Variants in CTR9 observed in about 807,000 individuals in gnomAD.
CTR9 encodes the protein RNA polymerase-associated protein CTR9 homolog.
In CTR9, 41 loss-of-function variants were observed where a neutral mutation model predicts 152.1. The observed-to-expected ratio is 0.27, with a 90% CI of 0.21 to 0.35. The LOEUF is 0.35. Ranked by LOEUF, CTR9 falls within the 10% of genes least tolerant of loss-of-function variation. CTR9 has a pLI of 1.00. For missense variants in CTR9, 917 were observed against 1,424.4 expected (o/e 0.64, Z 5.73); for synonymous variants, 476 against 496.2 (o/e 0.96, Z 0.54).
At chr11:10,769,152 G>A (rs1863103880) in intron 16 of CTR9, among the ~76,000 whole-genome samples, 1 of 152,062 alleles carries the variant, frequency 6.6e-6, no homozygotes, top group Non-Finnish European at 1.5e-5. Flanking sequence ...AACCTGGGAG[G>A]CAGAGGTTGC....
At chr11:10,772,742 A>G in intron 20 of CTR9, 87 bp downstream of exon 20, 1 of 1,346,098 alleles carries the variant, frequency 7.4e-7, no homozygotes, top group Non-Finnish European at 9.9e-7. Context: ...GTCCTCTGCC[A>G]GGCGTGGTGG....
chr11:10,774,342 G>A, intron 22 of CTR9, 173 bp downstream of exon 22: 1 of 638,936 alleles, frequency 1.6e-6, no homozygotes, highest in Non-Finnish European at 2.5e-6. Flanking sequence ...AAAATCCACT[G>A]AGTACCTGGG....
intron 5 of CTR9, among the ~76,000 whole-genome samples, chr11:10,759,822 A>G (rs1862947867): frequency 6.6e-6 from 1 of 152,196 alleles, no homozygotes; most frequent in Non-Finnish European, 1.5e-5. Flanking sequence ...CAGTCATATT[A>G]TTTAAGGTCT....
chr11:10,775,386 C>G (rs1863216184), intron 23 of CTR9, 83 bp downstream of exon 23: 6 of 1,418,618 alleles, frequency 4.2e-6, no homozygotes, highest in African/African-American at 1.4e-5. Context: ...TTCCTTGCAG[C>G]TTTCTCAAGC....
rs771049116 is a variant in CTR9 at position 10,779,054 on chromosome 11, C to T, written c.3471C>T (p.Asn1157=). The T allele has an allele frequency of 1.8e-5, 29 of 1,614,026 alleles. No individual in the cohort carries two copies. Among genetic ancestry groups the T allele is most frequent in the Non-Finnish European group, 2.5e-5 (29 of 1,180,036 alleles). ...SGNESEPEGS[N]NEASDRGSEH... ...ATGAATCGGAACCAGAGGGATCCAA[C>T]AATGAGGCCTCAGATAGAGGCTCAG... Residue 1157 remains asparagine (N), a synonymous_variant, in exon 25 of 25, where the codon AAC becomes AAT. Transcript: ENST00000361367.
intron 4 of CTR9, among the ~76,000 whole-genome samples, chr11:10,756,205 A>G (rs1862881804): frequency 6.6e-6 from 1 of 152,224 alleles, no homozygotes; most frequent in Non-Finnish European, 1.5e-5. Context: ...CCAATAAACA[A>G]TCTCTACTTA....
At chr11:10,772,677 T>C (rs771618560) in intron 20 of CTR9, 22 bp downstream of exon 20, 15 of 1,572,428 alleles carry the variant, frequency 9.5e-6, no homozygotes, top group East Asian at 2.3e-5. Context: ...TTTCCAGTTA[T>C]ACTGGAATTA....
chr11:10,765,707 C>G (rs555375963), intron 12 of CTR9, among the ~76,000 whole-genome samples: 5 of 152,314 alleles, frequency 3.3e-5, no homozygotes, highest in African/African-American at 1.2e-4. Context: ...GGTGATCCAT[C>G]CACCATGGCC....
intron 24 of CTR9, among the ~76,000 whole-genome samples, chr11:10,777,208 C>T (rs796354235): frequency 1.1e-4 from 16 of 151,880 alleles, no homozygotes; most frequent in African/African-American, 3.9e-4. Flanking sequence ...GGGGATTGGA[C>T]TCATAGGGAG....
At chr11:10,763,975 AAC>A in intron 9 of CTR9, 96 bp downstream of exon 9, 1 of 1,332,562 alleles carries the variant, frequency 7.5e-7, no homozygotes, top group South Asian at 1.3e-5. Context: ...ATATGATAGA[AAC>A]AGTTTTGTTA....
intron 16 of CTR9, among the ~76,000 whole-genome samples, chr11:10,769,379 A>G (rs765111764): frequency 6.6e-6 from 1 of 152,178 alleles, no homozygotes. Context: ...TCTGTGGGAT[A>G]TATTATGGTC....
At chr11:10,754,812 G>C (rs1862859725) in intron 2 of CTR9, 146 bp from the exon 3 acceptor site, 1 of 749,232 alleles carries the variant, frequency 1.3e-6, no homozygotes. Context: ...ATACACCACA[G>C]CTTGTTTATC....
intron 20 of CTR9, among the ~76,000 whole-genome samples, 178 bp downstream of exon 20, chr11:10,772,833 C>T (rs1299098729): frequency 2.0e-5 from 3 of 152,016 alleles, no homozygotes; most frequent in African/African-American, 7.3e-5. Flanking sequence ...TCGAGACCAG[C>T]CTGGCCAACA....
chr11:10,766,781 T>G (rs1863066897), intron 13 of CTR9, among the ~76,000 whole-genome samples: 1 of 152,210 alleles, frequency 6.6e-6, no homozygotes, highest in Admixed American at 6.5e-5. Flanking sequence ...CTCCTGTGTT[T>G]TTTACTCTCA....
chr11:10,757,612 A>G (rs1404224041), intron 5 of CTR9, among the ~76,000 whole-genome samples: 1 of 152,214 alleles, frequency 6.6e-6, no homozygotes, highest in Non-Finnish European at 1.5e-5. Context: ...AGATTATAAT[A>G]TAATCTTTTT....
At position 10,770,767 on chromosome 11, in the gene CTR9, T is replaced by TAA. The variant is rs375924906; in HGVS notation, c.2372+137_2372+138dup. ...CAAGCTGCTGAAAATCACTTCCTTCTAAAGGTGGTCTATTAGAATCATTCC... is the reference window on the plus strand; with the variant it reads ...CAAGCTGCTGAAAATCACTTCCTTCTAAAAAGGTGGTCTATTAGAATCATTCC... On this transcript the variant is annotated intron_variant, in intron 18 of 24. Coordinates refer to ENST00000361367, the MANE Select transcript of CTR9 (RefSeq NM_014633.5). 608 of 818,564 alleles carry TAA rather than the reference T, an allele frequency of 7.4e-4. 8 individuals carry two copies. In the African/African-American group the frequency reaches 9.6e-3, roughly 13 times the overall value. The allele number at this position is 818,564 out of a possible 1,614,324, so 50.7% of individuals were successfully genotyped here. A position where few individuals can be genotyped will look rare whatever the true frequency, so the allele number is the denominator to read the frequency against.
chr11:10,762,171 A>G (rs1862988809), intron 7 of CTR9, 117 bp downstream of exon 7: 2 of 672,916 alleles, frequency 3.0e-6, no homozygotes, highest in East Asian at 2.8e-5. Flanking sequence ...TCCCCCCTCC[A>G]AATTATAGAG....
In CTR9 at chr11:10,751,308, C is replaced by A; in HGVS notation, c.-105C>A. On this transcript the variant is annotated 5_prime_UTR_variant, in exon 1 of 25. Coordinates refer to ENST00000361367, the MANE Select transcript of CTR9 (RefSeq NM_014633.5). ...TCCAGCGGCGCCGCGGGGCGGCAGT[C>A]AAGACCAGAGCCGGAGCCGTCACTC... The A allele has an allele frequency of 7.9e-7, 1 of 1,262,058 alleles. No individual in the cohort carries two copies. Among genetic ancestry groups the A allele is most frequent in the Non-Finnish European group, 1.1e-6 (1 of 872,662 alleles). 78.2% of individuals were successfully genotyped at this position (1,262,058 alleles called of 1,614,324 possible). A position where few individuals can be genotyped will look rare whatever the true frequency, so the allele number is the denominator to read the frequency against.
chr11:10,753,263 A>C (rs1249441411), intron 2 of CTR9, among the ~76,000 whole-genome samples: 2 of 152,202 alleles, frequency 1.3e-5, no homozygotes, highest in Non-Finnish European at 2.9e-5. Flanking sequence ...GTCTCCTTCA[A>C]TGTGAATCTT....
Sources: allele counts gnomAD v4.1 joint callset (sites outside exome capture counted in the v4.1 genomes callset), GRCh38; gene constraint gnomAD v4.1.1; transcripts MANE v1.5; gene names NCBI Gene and HGNC (gene_info 2026-07-23, HGNC 2026-07-21).